OTUD3: variants seen among roughly 807,000 people sequenced by gnomAD.
The protein encoded by OTUD3 is OTU domain-containing protein 3.
In OTUD3, 24 loss-of-function variants were observed where a neutral mutation model predicts 46.2. The ratio of observed to expected loss-of-function variants is 0.52; its 90% CI spans 0.38 to 0.73. OTUD3 has a LOEUF of 0.73. Ranked by LOEUF, OTUD3 falls within the 30% of genes least tolerant of loss-of-function variation. The probability of loss-of-function intolerance (pLI) is 0.00; values close to 1 mark genes in which losing one functional copy is unlikely to be tolerated. For synonymous variants in OTUD3, 189 were observed against 195.4 expected (o/e 0.97, Z 0.27); for missense variants, 455 against 523.3 (o/e 0.87, Z 1.27).
rs1173293377 is a variant in OTUD3, at chr1:19,897,522, C to T, written c.484-18C>T. 3 of 1,613,112 alleles carry T rather than the reference C, an allele frequency of 1.9e-6. No individual in the cohort carries two copies. The highest frequency in any genetic ancestry group is 1.7e-5 in the Admixed American group (1 of 59,910). On this transcript the variant is annotated intron_variant, in intron 3 of 7. Coordinates refer to ENST00000375120, the MANE Select transcript of OTUD3 (RefSeq NM_015207.2). ...GTGTTCAGATCCTCACTGGCATGGC[C>T]CCTTCTTTTGTCTACAGATTCGTGG...
intron 3 of OTUD3, among the ~76,000 whole-genome samples, chr1:19,896,960 TTTG>T (rs1297765562): frequency 1.3e-5 from 2 of 152,164 alleles, no homozygotes; most frequent in Admixed American, 6.5e-5. Context: ...GAGATTTGGG[TTTG>T]TTGTTGATGT....
At chr1:19,897,744 A>G in intron 4 of OTUD3, 82 bp downstream of exon 4, 2 of 1,367,568 alleles carry the variant, frequency 1.5e-6, no homozygotes, top group Admixed American at 5.1e-5. Flanking sequence ...GCTAAAAACC[A>G]GTAATGTTTT....
Position 19,890,144 on chromosome 1 carries a change from G to A in OTUD3, c.222-241G>A, listed in dbSNP as rs549074343. Among the ~76,000 whole-genome samples, 4 of 152,314 alleles carry A rather than the reference G, an allele frequency of 2.6e-5. No homozygotes were observed. In the East Asian group the frequency reaches 7.7e-4, roughly 29 times the overall value. ...CAGGGAAGTTTGATGACTCTCCTGAGTCAGCCAGCTGGTACATGGGGAATA... is the reference window on the plus strand; with the variant it reads ...CAGGGAAGTTTGATGACTCTCCTGAATCAGCCAGCTGGTACATGGGGAATA... On this transcript the variant is annotated intron_variant, in intron 1 of 7. Transcript: ENST00000375120.
chr1:19,897,947 C>CA, intron 4 of OTUD3: 1 of 161,074 alleles, frequency 6.2e-6, no homozygotes, highest in Non-Finnish European at 1.3e-5. Flanking sequence ...TAATCCACAC[C>CA]TTTTTTTTTT....
chr1:19,889,597 C>T (rs998044299), intron 1 of OTUD3, among the ~76,000 whole-genome samples: 1 of 152,124 alleles, frequency 6.6e-6, no homozygotes, highest in African/African-American at 2.4e-5. Context: ...GTATCTAAGC[C>T]TCTGTGTTTG....
In OTUD3 at chr1:19,911,028, TATTC is replaced by T. The variant is rs1429330930; in HGVS notation, c.*3284_*3287del. 3 of 152,464 alleles carry T rather than the reference TATTC, an allele frequency of 2.0e-5. No individual in the cohort carries two copies. Among genetic ancestry groups the T allele is most frequent in the South Asian group, 2.1e-4 (1 of 4,826 alleles). The allele number at this position is 152,464 out of a possible 1,614,324, so 9.4% of individuals were successfully genotyped here. A position where few individuals can be genotyped will look rare whatever the true frequency, so the allele number is the denominator to read the frequency against. ...ATGCTATCAGTTTACCTCTGTGAAA[TATTC>T]AGTCAGTTGAAGGAAACTTGGATTC... On this transcript the variant is annotated 3_prime_UTR_variant, in exon 8 of 8. Coordinates refer to ENST00000375120, the MANE Select transcript of OTUD3 (RefSeq NM_015207.2).
chr1:19,900,220 T>C (rs1268672551), intron 4 of OTUD3, among the ~76,000 whole-genome samples: 1 of 152,198 alleles, frequency 6.6e-6, no homozygotes, highest in Non-Finnish European at 1.5e-5. Context: ...TATTTATTTT[T>C]TGAGACTGGG....
At chr1:19,896,958 G>T (rs1217944178) in intron 3 of OTUD3, among the ~76,000 whole-genome samples, 1 of 152,060 alleles carries the variant, frequency 6.6e-6, no homozygotes, top group Non-Finnish European at 1.5e-5. Flanking sequence ...AGGAGATTTG[G>T]GTTTGTTGTT....
At chr1:19,906,193 T>C (rs1003821295) in intron 6 of OTUD3, among the ~76,000 whole-genome samples, 1 of 152,254 alleles carries the variant, frequency 6.6e-6, no homozygotes, top group Non-Finnish European at 1.5e-5. Flanking sequence ...AAAAGCACTC[T>C]GCTGGTTGGA....
intron 4 of OTUD3, among the ~76,000 whole-genome samples, chr1:19,901,130 G>C (rs1315638133): frequency 6.6e-6 from 1 of 152,052 alleles, no homozygotes; most frequent in Non-Finnish European, 1.5e-5. Context: ...GGCTGGTCTT[G>C]AACTCCTGAC....
chr1:19,897,017 C>T (rs1358206282), intron 3 of OTUD3, among the ~76,000 whole-genome samples: 5 of 152,160 alleles, frequency 3.3e-5, no homozygotes, highest in African/African-American at 4.8e-5. Flanking sequence ...TTCGTTTTAA[C>T]GAAAGGGGTG....
chr1:19,882,589 G>A lies in OTUD3; in HGVS notation c.76G>A (p.Glu26Lys). ...AGCCGAGGCCGAGCGCAAGCGGGAC[G>A]AGCGGGCGGCGCGCCGGGCCCTGGC... The part of the protein sequence containing the change: ...RKAEAERKRD[E>K]RAARRALAKE... Residue 26 changes from glutamate (E) to lysine (K), a missense_variant, in exon 1 of 8, where the codon GAG becomes AAG. Transcript: ENST00000375120. 7.1e-7 allele frequency: 1 copy of A among 1,417,384 alleles called. No homozygotes were observed. Among genetic ancestry groups the A allele is most frequent in the East Asian group, 3.0e-5 (1 of 32,936 alleles). 87.8% of individuals were successfully genotyped at this position (1,417,384 alleles called of 1,614,324 possible). A position where few individuals can be genotyped will look rare whatever the true frequency, so the allele number is the denominator to read the frequency against.
rs2045430378 is a variant in OTUD3 at position 19,890,398 on chromosome 1, A to C, written c.235A>C (p.Arg79=). ...TTGTTTTGACAGCAATTGCTTGTTC[A>C]GAGCTCTTGGTGATCAATTGGAGGG... ...EVPGDGNCLF[R]ALGDQLEGHS... is the part of the protein sequence containing the mutation. Residue 79 remains arginine (R), a synonymous_variant, in exon 2 of 8, where the codon AGA becomes CGA. Coordinates refer to ENST00000375120, the MANE Select transcript of OTUD3 (RefSeq NM_015207.2). 1 of 1,613,838 alleles carries C rather than the reference A, an allele frequency of 6.2e-7. No homozygotes were observed. Among genetic ancestry groups the C allele is most frequent in the Admixed American group, 1.7e-5 (1 of 60,002 alleles).
At position 19,906,621 on chromosome 1, in the gene OTUD3, G is replaced by T; in HGVS notation, c.1020+5G>T. ...AATAAAAACCAGCTCGCAAAGGTAT[G>T]TAAGATGGGGTTGAATGGGCAGGTG... On this transcript the variant is annotated splice_donor_5th_base_variant and intron_variant, in intron 7 of 7. Coordinates refer to ENST00000375120, the MANE Select transcript of OTUD3 (RefSeq NM_015207.2). 6.2e-7 allele frequency: 1 copy of T among 1,600,782 alleles called. No individual in the cohort carries two copies. Among genetic ancestry groups the T allele is most frequent in the Non-Finnish European group, 8.5e-7 (1 of 1,172,888 alleles).
intron 1 of OTUD3, 29 bp downstream of exon 1, chr1:19,882,763 G>A (rs2045288819): frequency 1.6e-6 from 2 of 1,281,160 alleles, no homozygotes; most frequent in South Asian, 2.5e-5. Flanking sequence ...GAGGGAGGCG[G>A]CGCCGGGGGA....
chr1:19,882,768 G>A (rs2100218848), intron 1 of OTUD3, 34 bp downstream of exon 1: 1 of 1,277,396 alleles, frequency 7.8e-7, no homozygotes, highest in Non-Finnish European at 9.9e-7. Flanking sequence ...AGGCGGCGCC[G>A]GGGGACGCGC....
In OTUD3 at chr1:19,906,608, C is replaced by T. The variant is rs1185303854; in HGVS notation, c.1012C>T (p.Leu338Phe). ...AGAAAACAAAGCAAATAAAAACCAG[C>T]TCGCAAAGGTATGTAAGATGGGGTT... is the stretch of plus-strand genomic sequence containing the variant. ...SEENKANKNQ[L>F]AKVTNKQRRE... The change falls in exon 7 of 8, where the codon CTC becomes TTC. Residue 338 changes from leucine (L) to phenylalanine (F), a missense_variant. Physicochemically the swap from Leu to Phe is conservative, Grantham distance 22. Coordinates refer to ENST00000375120, the MANE Select transcript of OTUD3 (RefSeq NM_015207.2). 1.2e-6 allele frequency: 2 copies of T among 1,608,996 alleles called. No individual in the cohort carries two copies. Among genetic ancestry groups the T allele is most frequent in the South Asian group, 1.1e-5 (1 of 90,406 alleles).
chr1:19,882,720 G>A lies in OTUD3; in HGVS notation c.207G>A (p.Glu69=). 7.3e-7 allele frequency: 1 copy of A among 1,376,032 alleles called. No individual in the cohort carries two copies. The highest frequency in any genetic ancestry group is 9.4e-7 in the Non-Finnish European group (1 of 1,063,336). 85.2% of individuals were successfully genotyped at this position (1,376,032 alleles called of 1,614,324 possible). ...QLQALGLKLR[E]VPGDGNCLFR... Reference sequence around the variant, plus strand: ...AGGCCCTGGGGCTGAAGCTGCGGGAGGTGCCGGGGGACGGGTGAGGCGGGC... The same window carrying A: ...AGGCCCTGGGGCTGAAGCTGCGGGAAGTGCCGGGGGACGGGTGAGGCGGGC... Residue 69 remains glutamate (E), a synonymous_variant, in exon 1 of 8, where the codon GAG becomes GAA. Coordinates refer to ENST00000375120, the MANE Select transcript of OTUD3 (RefSeq NM_015207.2).
intron 1 of OTUD3, 123 bp from the exon 2 acceptor site, chr1:19,890,262 A>T: frequency 1.1e-6 from 1 of 896,338 alleles, no homozygotes; most frequent in Non-Finnish European, 1.8e-6. Flanking sequence ...GGACTATTAG[A>T]GTTGAGTCTT....
Sources: gnomAD v4.1 joint callset for allele counts (sites outside exome capture counted in the v4.1 genomes callset) on GRCh38, gnomAD v4.1.1 for gene constraint, MANE v1.5 for transcripts, NCBI Gene and HGNC (gene_info 2026-07-23, HGNC 2026-07-21) for gene names.